The following USB1 variants were observed in gnomAD, a reference collection of about 807,000 sequenced individuals.
The protein encoded by USB1 is U6 snRNA biogenesis phosphodiesterase 1, also known as U6 snRNA phosphodiesterase 1.
USB1 carries 21 observed loss-of-function variants against 29.9 expected under a neutral mutation model. The ratio of observed to expected loss-of-function variants is 0.70; its 90% CI spans 0.50 to 1.01. The LOEUF (loss-of-function observed/expected upper bound fraction) is 1.01, where lower values mean the gene tolerates loss of function less well. Ranked by LOEUF, USB1 falls within the 50% of genes least tolerant of loss-of-function variation. The pLI, the probability that USB1 is intolerant of heterozygous loss-of-function variation, is 0.00. For synonymous variants in USB1, 143 were observed against 134.9 expected, an observed-to-expected ratio of 1.06 and a Z score of -0.42; for missense variants, 330 against 347.1, an observed-to-expected ratio of 0.95 and a Z score of 0.39.
intron 2 of USB1, among the ~76,000 whole-genome samples, chr16:58,004,602 A>T (rs1963308859): frequency 6.6e-6 from 1 of 152,122 alleles, no homozygotes; most frequent in Non-Finnish European, 1.5e-5. Context: ...TTACCTCTCC[A>T]TGTACACCTT....
At position 58,013,022 on chromosome 16, in the gene USB1, T is replaced by C. The variant is rs892720541; in HGVS notation, c.450-1251T>C. On this transcript the variant is annotated intron_variant, in intron 3 of 6. Transcript: ENST00000219281. This position sits in a 1 kb window ranked among gnomAD's most constrained non-coding sequence, Gnocchi z 4.3. ...GCTGGTTCCCTCTGAGGAAAGGATCTGTGTCATGAGTGAAGCCCGGGCAGG... is the reference window on the plus strand; with the variant it reads ...GCTGGTTCCCTCTGAGGAAAGGATCCGTGTCATGAGTGAAGCCCGGGCAGG... The C allele has an allele frequency of 7.1e-6, 7 of 985,724 alleles. No homozygotes were observed. The highest frequency in any genetic ancestry group is 8.4e-6 in the Non-Finnish European group (7 of 830,144). 61.1% of individuals were successfully genotyped at this position (985,724 alleles called of 1,614,324 possible).
At chr16:58,012,298 T>C (rs1387056954) in intron 3 of USB1, 2 of 1,535,380 alleles carry the variant, frequency 1.3e-6, no homozygotes, top group African/African-American at 2.7e-5. Context: ...GATTGTATAT[T>C]ATCAGGACTC....
At chr16:58,010,917 A>G in intron 3 of USB1, 1 of 691,998 alleles carries the variant, frequency 1.4e-6, no homozygotes, top group South Asian at 1.5e-5. Flanking sequence ...GGCATGATGG[A>G]TTATTAACTC....
intron 2 of USB1, among the ~76,000 whole-genome samples, chr16:58,005,020 G>A (rs550084402): frequency 2.0e-5 from 3 of 152,196 alleles, no homozygotes; most frequent in Admixed American, 6.5e-5. Flanking sequence ...GGGGGCCCTT[G>A]CCTGCCTGGC....
chr16:58,014,238 C>T lies in USB1; in HGVS notation c.450-35C>T, dbSNP rs9924482. 4.1e-3 allele frequency: 6,495 copies of T among 1,567,642 alleles called. 275 individuals are homozygous for T. The African/African-American group carries it at 0.078, about 19-fold the overall frequency. Reference sequence around the variant, plus strand: ...GCTATTTTTTCTGCTTTTTTTCTTACGATTTTTCCTGAAATATGGTCTTCT... The same window carrying T: ...GCTATTTTTTCTGCTTTTTTTCTTATGATTTTTCCTGAAATATGGTCTTCT... On this transcript the variant is annotated intron_variant, in intron 3 of 6. Coordinates refer to ENST00000219281, the MANE Select transcript of USB1 (RefSeq NM_024598.4).
At chr16:58,001,602 T>A (rs1229487627) in intron 1 of USB1, 21 bp downstream of exon 1, 1 of 1,589,536 alleles carries the variant, frequency 6.3e-7, no homozygotes, top group East Asian at 2.3e-5. Flanking sequence ...AGGAAGTCTC[T>A]CCGGAGGGCG....
Position 58,001,476 on chromosome 16 carries a change from G to A in USB1, c.-8G>A, listed in dbSNP as rs370555892. ...TGGACCTGCTCTGGTGGTCTTGGAT[G>A]AGGCCCCATGAGCGCGGCGCCCCTG... On this transcript the variant is annotated 5_prime_UTR_variant, in exon 1 of 7. It removes an upstream start codon present in the reference 5' UTR. Transcript: ENST00000219281. 1.9e-6 allele frequency: 3 copies of A among 1,594,210 alleles called. No individual in the cohort carries two copies. In the African/African-American group the frequency reaches 4.0e-5, roughly 21 times the overall value.
chr16:58,019,332 T>G (rs1237938907), intron 6 of USB1, among the ~76,000 whole-genome samples: 2 of 151,650 alleles, frequency 1.3e-5, no homozygotes, highest in Non-Finnish European at 2.9e-5. Context: ...TGGGGATTTG[T>G]GTGCACATTA....
intron 3 of USB1, chr16:58,010,606 A>G: frequency 5.7e-6 from 1 of 174,694 alleles, no homozygotes; most frequent in East Asian, 1.2e-4. Context: ...ACTACAAATC[A>G]GAGGTTCTGT....
intron 4 of USB1, 132 bp from the exon 5 acceptor site, chr16:58,017,202 C>G (rs1179840557): frequency 1.3e-6 from 1 of 779,402 alleles, no homozygotes; most frequent in East Asian, 2.5e-5. Flanking sequence ...AGCAGGAAAG[C>G]GAGTGTACCA....
At chr16:58,003,345 T>C (rs1322549411) in intron 2 of USB1, among the ~76,000 whole-genome samples, 1 of 152,246 alleles carries the variant, frequency 6.6e-6, no homozygotes, top group Non-Finnish European at 1.5e-5. Context: ...GCGGATTGAC[T>C]GACCCTGGGA....
intron 5 of USB1, among the ~76,000 whole-genome samples, chr16:58,018,663 C>A (rs1217048060): frequency 6.6e-6 from 1 of 152,068 alleles, no homozygotes; most frequent in East Asian, 1.9e-4. Flanking sequence ...TCATGAGGGT[C>A]CTGCCCTCAT....
At chr16:58,003,427 A>T (rs1276824898) in intron 2 of USB1, among the ~76,000 whole-genome samples, 1 of 152,256 alleles carries the variant, frequency 6.6e-6, no homozygotes, top group Non-Finnish European at 1.5e-5. Context: ...ACTCCATCTC[A>T]AATAAGACAG....
chr16:58,000,125 C>T (rs903737240), upstream of USB1, among the ~76,000 whole-genome samples: 11 of 152,166 alleles, frequency 7.2e-5, no homozygotes, highest in Non-Finnish European at 1.3e-4. This position sits in a 1 kb window ranked among gnomAD's most constrained non-coding sequence, Gnocchi z 4.5. Context: ...GCAGGCCCAG[C>T]TGGGCTGCGT....
chr16:58,020,033 T>C, intron 6 of USB1, 108 bp from the exon 7 acceptor site: 1 of 1,012,446 alleles, frequency 9.9e-7, no homozygotes, highest in Non-Finnish European at 1.5e-6. Flanking sequence ...GCCTGCAGCC[T>C]CAGCCTCGCC....
At chr16:58,007,883 TGAGGCAG>T (rs1963398934) in intron 2 of USB1, among the ~76,000 whole-genome samples, 1 of 152,072 alleles carries the variant, frequency 6.6e-6, no homozygotes, top group Non-Finnish European at 1.5e-5. Flanking sequence ...CTCGGGAGAC[TGAGGCAG>T]GAGAATCGCT....
chr16:58,013,390 G>A lies in USB1; in HGVS notation c.450-883G>A, dbSNP rs1963541939. ...TTGGCTGACTGACTTTTGCCCTTGG[G>A]CAGATTGTGAGGCTCTACCCAGCAT... On this transcript the variant is annotated intron_variant, in intron 3 of 6. Coordinates refer to ENST00000219281, the MANE Select transcript of USB1 (RefSeq NM_024598.4). The surrounding 1 kb of genome is among the most constrained non-coding windows in gnomAD (Gnocchi z 4.3). 5.1e-6 allele frequency: 5 copies of A among 985,342 alleles called. No homozygotes were observed. The highest frequency in any genetic ancestry group is 6.0e-6 in the Non-Finnish European group (5 of 829,974). The allele number at this position is 985,342 out of a possible 1,614,324, so 61.0% of individuals were successfully genotyped here. A position where few individuals can be genotyped will look rare whatever the true frequency, so the allele number is the denominator to read the frequency against.
At chr16:58,012,102 C>T in intron 3 of USB1, 2 of 1,390,040 alleles carry the variant, frequency 1.4e-6, no homozygotes, top group Non-Finnish European at 1.9e-6. Context: ...GGCCATAGGC[C>T]CAGGAATTCC....
At chr16:58,016,308 TAA>T (rs1346107124) in intron 4 of USB1, 2 of 152,252 alleles carry the variant, frequency 1.3e-5, no homozygotes, top group Admixed American at 6.5e-5. Flanking sequence ...TTTTCTGTGA[TAA>T]GAGACACTGG....
Sources: allele counts gnomAD v4.1 joint callset (sites outside exome capture counted in the v4.1 genomes callset), GRCh38; gene constraint gnomAD v4.1.1; non-coding constraint Gnocchi (gnomAD v3.1); transcripts MANE v1.5; gene names NCBI Gene and HGNC (gene_info 2026-07-23, HGNC 2026-07-21).